B3GNT2: variants seen among roughly 807,000 people sequenced by gnomAD.
B3GNT2 encodes UDP-GlcNAc:betaGal beta-1,3-N-acetylglucosaminyltransferase 2.
In B3GNT2, 12 loss-of-function variants were observed where a neutral mutation model predicts 27.6. The observed-to-expected ratio is 0.44, with a 90% CI of 0.28 to 0.71. The LOEUF is 0.71. B3GNT2 is among the 30% of genes least tolerant of loss of function. B3GNT2 has a pLI of 0.17. For missense variants in B3GNT2, 413 were observed against 488.5 expected (o/e 0.85, Z 1.46); for synonymous variants, 192 against 189.7 (o/e 1.01, Z -0.10).
At position 62,222,456 on chromosome 2, in the gene B3GNT2, A is replaced by T; in HGVS notation, c.236A>T (p.Asn79Ile). ...QYNPILSMLT[N>I]QTGEAGRLSN... ...AACCCCATCCTGAGCATGCTGACCA[A>T]CCAGACGGGGGAGGCGGGCAGGCTC... Residue 79 changes from asparagine to isoleucine, a missense_variant, in exon 2 of 2, where the codon AAC (asparagine) becomes ATC (isoleucine). Asn to Ile is a moderately radical substitution (Grantham distance 149, BLOSUM62 -3). Transcript: ENST00000301998. The surrounding 1 kb of genome is among the most constrained non-coding windows in gnomAD (Gnocchi z 4.2). 6.2e-7 allele frequency: 1 copy of T among 1,614,130 alleles called. No homozygotes were observed. The highest frequency in any genetic ancestry group is 8.5e-7 in the Non-Finnish European group (1 of 1,180,012).
chr2:62,209,779 A>G (rs541624849), intron 1 of B3GNT2, among the ~76,000 whole-genome samples: 1 of 152,094 alleles, frequency 6.6e-6, no homozygotes, highest in Non-Finnish European at 1.5e-5. Context: ...AGTTGTGCTG[A>G]TCTCCCTTCA....
At position 62,197,449 on chromosome 2, in the gene B3GNT2, C is replaced by CT. The variant is rs1408458680; in HGVS notation, c.-10+1095dup. Among the ~76,000 whole-genome samples the CT allele has an allele frequency of 2.0e-5, 3 of 152,202 alleles. No individual in the cohort carries two copies. The East Asian group carries it at 5.8e-4, about 29-fold the overall frequency. On this transcript the variant is annotated intron_variant, in intron 1 of 1. Transcript: ENST00000301998. ...CCTGGGTTGGCGAGGCGGCGCTCTT[C>CT]TGCCCAAAACGTAGGGGTGGTTAGT...
At chr2:62,219,623 C>T (rs1674644820) in intron 1 of B3GNT2, among the ~76,000 whole-genome samples, 1 of 152,196 alleles carries the variant, frequency 6.6e-6, no homozygotes, top group Non-Finnish European at 1.5e-5. Context: ...CACCATCACA[C>T]ATTTCCTGTT....
At chr2:62,207,510 G>A (rs959450882) in intron 1 of B3GNT2, among the ~76,000 whole-genome samples, 2 of 152,182 alleles carry the variant, frequency 1.3e-5, no homozygotes, top group African/African-American at 2.4e-5. Flanking sequence ...AGGTACATCC[G>A]TGGTCCCCAG....
chr2:62,214,163 GAC>G (rs2104202953), intron 1 of B3GNT2, among the ~76,000 whole-genome samples: 1 of 152,338 alleles, frequency 6.6e-6, no homozygotes, highest in Non-Finnish European at 1.5e-5. Context: ...GAAAACAACA[GAC>G]ACATAGCTAG....
In B3GNT2 at chr2:62,222,171, T is replaced by C; in HGVS notation, c.-9-41T>C. 1.3e-6 allele frequency: 2 copies of C among 1,497,940 alleles called. No individual in the cohort carries two copies. Among genetic ancestry groups the C allele is most frequent in the South Asian group, 1.3e-5 (1 of 74,826 alleles). 92.8% of individuals were successfully genotyped at this position (1,497,940 alleles called of 1,614,324 possible). A position where few individuals can be genotyped will look rare whatever the true frequency, so the allele number is the denominator to read the frequency against. ...AATAAATTGTATGTGCAAATGCAAA[T>C]TGATAAGTAATTGATACAATACTCC... On this transcript the variant is annotated intron_variant, in intron 1 of 1. Coordinates refer to ENST00000301998, the MANE Select transcript of B3GNT2 (RefSeq NM_006577.6). The surrounding 1 kb of genome is among the most constrained non-coding windows in gnomAD (Gnocchi z 4.2).
intron 1 of B3GNT2, among the ~76,000 whole-genome samples, chr2:62,207,214 C>G (rs1674391771): frequency 6.6e-6 from 1 of 151,916 alleles, no homozygotes; most frequent in Non-Finnish European, 1.5e-5. Flanking sequence ...GGGTCTCACT[C>G]TGTCGCTCAG....
intron 1 of B3GNT2, among the ~76,000 whole-genome samples, chr2:62,212,909 A>T (rs1674506611): frequency 6.6e-6 from 1 of 152,168 alleles, no homozygotes; most frequent in Non-Finnish European, 1.5e-5. Flanking sequence ...AGGCAGAAGG[A>T]TGAATCAGAG....
At position 62,222,281 on chromosome 2, in the gene B3GNT2, A is replaced by G; in HGVS notation, c.61A>G (p.Ile21Val). The G allele has an allele frequency of 4.3e-6, 7 of 1,613,354 alleles. No homozygotes were observed. The highest frequency in any genetic ancestry group is 5.9e-6 in the Non-Finnish European group (7 of 1,179,848). Residue 21 changes from isoleucine (I) to valine (V), a missense_variant, in exon 2 of 2, where the codon ATT becomes GTT. Ile to Val is a conservative substitution (Grantham distance 29, BLOSUM62 3). Transcript: ENST00000301998. This position sits in a 1 kb window ranked among gnomAD's most constrained non-coding sequence, Gnocchi z 4.2. ...TATCCTGATGATGGCAAATGTCTTCATTTATTTTATTATGGAAGTCTCCAA... is the reference window on the plus strand; with the variant it reads ...TATCCTGATGATGGCAAATGTCTTCGTTTATTTTATTATGGAAGTCTCCAA... ...LGILMMANVFIYFIMEVSKSS... is the reference protein window; with the variant it reads ...LGILMMANVFVYFIMEVSKSS...
At chr2:62,206,500 C>T (rs1341848744) in intron 1 of B3GNT2, among the ~76,000 whole-genome samples, 6 of 152,130 alleles carry the variant, frequency 3.9e-5, no homozygotes, top group African/African-American at 7.2e-5. Flanking sequence ...ATACCTTTAT[C>T]TCATTTCTCT....
rs535137467 is a variant in B3GNT2 at position 62,208,022 on chromosome 2, C to T, written c.-10+11667C>T. 2.4e-4 allele frequency among the ~76,000 whole-genome samples: 36 copies of T among 152,080 alleles called. No individual in the cohort carries two copies. The South Asian group carries it at 2.9e-3, about 12-fold the overall frequency. ...TGGGGAATGGTGTACTTTTGAAAGT[C>T]GATCTTATGAGTTTGAGAGGGGTCA... On this transcript the variant is annotated intron_variant, in intron 1 of 1. Transcript: ENST00000301998.
Position 62,222,815 on chromosome 2 carries a change from A to G in B3GNT2, c.595A>G (p.Lys199Glu), listed in dbSNP as rs1251704047. ...CCACCCCGACCTTTCAGATATGCTG[A>G]AATTTGAGAGTGAGAAGCACCAAGA... ...DNHPDLSDML[K>E]FESEKHQDIL... Residue 199 changes from lysine (K) to glutamate (E), a missense_variant, in exon 2 of 2, where the codon AAA becomes GAA. Physicochemically the swap from Lys to Glu is moderately conservative, Grantham distance 56. Transcript: ENST00000301998. This position sits in a 1 kb window ranked among gnomAD's most constrained non-coding sequence, Gnocchi z 4.2. 1 of 1,614,042 alleles carries G rather than the reference A, an allele frequency of 6.2e-7. No homozygotes were observed. Among genetic ancestry groups the G allele is most frequent in the South Asian group, 1.1e-5 (1 of 91,076 alleles).
At chr2:62,214,933 G>C (rs917523787) in intron 1 of B3GNT2, among the ~76,000 whole-genome samples, 1 of 152,030 alleles carries the variant, frequency 6.6e-6, no homozygotes, top group Non-Finnish European at 1.5e-5. Flanking sequence ...ACCCTCTTTA[G>C]TTTACTAAAG....
chr2:62,221,757 A>G (rs1295031650), intron 1 of B3GNT2: 1 of 485,146 alleles, frequency 2.1e-6, no homozygotes, highest in Non-Finnish European at 4.0e-6. Context: ...ATGTATGTGT[A>G]TACTAAACAC....
chr2:62,197,705 C>T (rs954311913), intron 1 of B3GNT2, among the ~76,000 whole-genome samples: 1 of 152,166 alleles, frequency 6.6e-6, no homozygotes, highest in Non-Finnish European at 1.5e-5. Context: ...AGGTGGTAAA[C>T]GAGGTGGCCG....
In B3GNT2 at chr2:62,196,225, G is replaced by A. The variant is rs2104175513; in HGVS notation, c.-140G>A. The stretch of plus-strand genomic sequence containing the variant: ...CCGACACCGCCGGGCCGCCCGTCCG[G>A]GGCGCCGCGCATGGAGCGTGAGCTG... On this transcript the variant is annotated 5_prime_UTR_variant, in exon 1 of 2. Coordinates refer to ENST00000301998, the MANE Select transcript of B3GNT2 (RefSeq NM_006577.6). The A allele has an allele frequency of 6.6e-6, 1 of 151,986 alleles. No individual in the cohort carries two copies. The highest frequency in any genetic ancestry group is 2.4e-5 in the African/African-American group (1 of 41,524). The allele number at this position is 151,986 out of a possible 1,614,324, so 9.4% of individuals were successfully genotyped here.
intron 1 of B3GNT2, among the ~76,000 whole-genome samples, chr2:62,197,197 G>T (rs1674167521): frequency 1.3e-5 from 2 of 152,046 alleles, no homozygotes; most frequent in Non-Finnish European, 2.9e-5. Context: ...GGGGGGCCCT[G>T]CCGGGGCTGC....
intron 1 of B3GNT2, among the ~76,000 whole-genome samples, chr2:62,200,533 G>C (rs1281018628): frequency 2.6e-5 from 4 of 152,210 alleles, no homozygotes; most frequent in Non-Finnish European, 4.4e-5. Flanking sequence ...GTGGTTAAGA[G>C]CATAAACTTG....
At chr2:62,205,714 A>G (rs980766416) in intron 1 of B3GNT2, 1 of 152,296 alleles carries the variant, frequency 6.6e-6, no homozygotes, top group Non-Finnish European at 1.5e-5. Context: ...AGGGAGCCCA[A>G]TTTAACTGGA....
Sources: allele counts gnomAD v4.1 joint callset (sites outside exome capture counted in the v4.1 genomes callset), GRCh38; gene constraint gnomAD v4.1.1; non-coding constraint Gnocchi (gnomAD v3.1); transcripts MANE v1.5; gene names NCBI Gene and HGNC (gene_info 2026-07-23, HGNC 2026-07-21).